The following DAB2IP variants were observed in gnomAD, a reference collection of about 807,000 sequenced individuals.
DAB2IP encodes DAB2 interacting protein, also known as disabled homolog 2-interacting protein.
DAB2IP carries 28 observed loss-of-function variants against 107.2 expected under a neutral mutation model. That is an observed-to-expected ratio of 0.26 (90% CI 0.19 to 0.36). DAB2IP has a LOEUF of 0.36. Among genes scored for constraint, DAB2IP ranks in the 10% least tolerant of loss-of-function variants. The pLI, the probability that DAB2IP is intolerant of heterozygous loss-of-function variation, is 1.00. For synonymous variants in DAB2IP, 755 were observed against 706.4 expected, an observed-to-expected ratio of 1.07 and a Z score of -1.09; for missense variants, 1,400 against 1,644.7, an observed-to-expected ratio of 0.85 and a Z score of 2.57.
At position 121,599,463 on chromosome 9, in the gene DAB2IP, GGCGGA is replaced by G. The variant is rs1418134844; in HGVS notation, c.40+32238_40+32242del. Among the ~76,000 whole-genome samples the G allele has an allele frequency of 2.0e-5, 3 of 152,048 alleles. No individual in the cohort carries two copies. The highest frequency in any genetic ancestry group is 4.4e-5 in the Non-Finnish European group (3 of 67,986). ...CCCGCGCTGGGTCCCGGGCCTGGCG[GGCGGA>G]GCTGTGGGCGGCTGGGCCTGCGATT... On this transcript the variant is annotated intron_variant, in intron 1 of 16. Coordinates refer to the DAB2IP transcript ENST00000259371. This position sits in a 1 kb window ranked among gnomAD's most constrained non-coding sequence, Gnocchi z 6.9.
chr9:121,612,768 G>T (rs935838503), intron 1 of DAB2IP, among the ~76,000 whole-genome samples: 7 of 152,182 alleles, frequency 4.6e-5, no homozygotes, highest in African/African-American at 1.4e-4. Context: ...GTGTTGGTGG[G>T]GGGAGGTAAG....
intron 3 of DAB2IP, among the ~76,000 whole-genome samples, chr9:121,721,403 AGTCCCTG>A (rs1170349723): frequency 2.0e-5 from 3 of 152,326 alleles, no homozygotes; most frequent in Non-Finnish European, 4.4e-5. Context: ...ACAATAAGCA[AGTCCCTG>A]CTGTGTGCCA....
rs748936874 is a variant in DAB2IP at position 121,776,305 on chromosome 9, G to C, written c.3228G>C (p.Glu1076Asp). Residue 1076 changes from glutamate (E) to aspartate (D), a missense_variant, in exon 14 of 16, where the codon GAG becomes GAC. By Grantham distance (45) the Glu-to-Asp change is conservative. Transcript: ENST00000408936. The surrounding 1 kb of genome is among the most constrained non-coding windows in gnomAD (Gnocchi z 5.4). ...AGACGACGCAGAAGCTGGTGCTGGA[G>C]TACCAGGCACGGCTGGAGGAGGGCG... 6.4e-7 allele frequency: 1 copy of C among 1,572,004 alleles called. No homozygotes were observed. The highest frequency in any genetic ancestry group is 2.3e-5 in the East Asian group (1 of 42,990).
intron 1 of DAB2IP, among the ~76,000 whole-genome samples, chr9:121,665,304 C>T (rs966305190): frequency 1.3e-5 from 2 of 151,996 alleles, no homozygotes; most frequent in Non-Finnish European, 2.9e-5. Flanking sequence ...GGCCAGGAGT[C>T]GGAGACCACC....
At position 121,599,723 on chromosome 9, in the gene DAB2IP, G is replaced by A. The variant is rs1830627723; in HGVS notation, c.40+32495G>A. The stretch of plus-strand genomic sequence containing the variant: ...GGCCCTGGGCCGCTCAGGCTCCGGA[G>A]CCTTTGGGATGGCAGCGCCCAGCGG... On this transcript the variant is annotated intron_variant, in intron 1 of 16. Transcript: ENST00000259371. This position sits in a 1 kb window ranked among gnomAD's most constrained non-coding sequence, Gnocchi z 6.9. Among the ~76,000 whole-genome samples the A allele has an allele frequency of 1.3e-5, 2 of 152,180 alleles. No homozygotes were observed. Among genetic ancestry groups the A allele is most frequent in the Admixed American group, 1.3e-4 (2 of 15,308 alleles).
chr9:121,589,060 G>C (rs1830369686), intron 1 of DAB2IP, among the ~76,000 whole-genome samples: 2 of 151,526 alleles, frequency 1.3e-5, no homozygotes, highest in African/African-American at 4.9e-5. Flanking sequence ...TCCCTTCCCT[G>C]CCTCCTACTC....
chr9:121,719,756 G>A (rs1049188262), intron 3 of DAB2IP, among the ~76,000 whole-genome samples: 12 of 152,224 alleles, frequency 7.9e-5, no homozygotes, highest in Non-Finnish European at 4.4e-5. Flanking sequence ...GAAACCAGAT[G>A]CAGAGAGGTT....
intron 1 of DAB2IP, among the ~76,000 whole-genome samples, chr9:121,607,246 G>C (rs978152244): frequency 6.6e-6 from 1 of 152,180 alleles, no homozygotes; most frequent in Non-Finnish European, 1.5e-5. Flanking sequence ...ACTGGAGGGA[G>C]AGGAGAGAGA....
At chr9:121,616,199 G>A (rs1831270343) in intron 1 of DAB2IP, among the ~76,000 whole-genome samples, 1 of 152,220 alleles carries the variant, frequency 6.6e-6, no homozygotes, top group Non-Finnish European at 1.5e-5. Flanking sequence ...GGATGCAGGC[G>A]AGGGAGGGGC....
At chr9:121,725,469 T>G (rs887702014) in intron 3 of DAB2IP, among the ~76,000 whole-genome samples, 5 of 152,184 alleles carry the variant, frequency 3.3e-5, no homozygotes, top group African/African-American at 1.2e-4. Context: ...GGGTACCCAG[T>G]GCAGCAAATT....
chr9:121,781,474 G>A (rs200849707), exon 15 of DAB2IP: 210 of 1,613,908 alleles, frequency 1.3e-4, no homozygotes, highest in Non-Finnish European at 1.6e-4. Context: ...GTTGATGTCC[G>A]TGGAGGAAGA....
chr9:121,717,337 C>A (rs1410695834), intron 3 of DAB2IP, among the ~76,000 whole-genome samples: 1 of 152,196 alleles, frequency 6.6e-6, no homozygotes, highest in Non-Finnish European at 1.5e-5. Flanking sequence ...CCCTTTTTAT[C>A]CAGCTAGCTA....
intron 3 of DAB2IP, among the ~76,000 whole-genome samples, chr9:121,724,850 G>T (rs1189582668): frequency 6.6e-6 from 1 of 152,128 alleles, no homozygotes; most frequent in Non-Finnish European, 1.5e-5. Flanking sequence ...GGATGGACAG[G>T]AATGGGAGGG....
chr9:121,603,150 C>A (rs1830745620), intron 1 of DAB2IP, among the ~76,000 whole-genome samples: 1 of 152,200 alleles, frequency 6.6e-6, no homozygotes, highest in Non-Finnish European at 1.5e-5. Flanking sequence ...CTGCATCTCG[C>A]GGGGAGAGGA....
Position 121,776,383 on chromosome 9 carries a change from C to T in DAB2IP, c.3306C>T (p.Ile1102=). 1 of 1,540,666 alleles carries T rather than the reference C, an allele frequency of 6.5e-7. No individual in the cohort carries two copies. Among genetic ancestry groups the T allele is most frequent in the Non-Finnish European group, 8.8e-7 (1 of 1,141,820 alleles). Reference sequence around the variant, plus strand: ...ACAAGGACATCCAGATGAAGGGCATCATCAGCAGGTGGGGCCCACACCTGC... The same window carrying T: ...ACAAGGACATCCAGATGAAGGGCATTATCAGCAGGTGGGGCCCACACCTGC... The change falls in exon 14 of 16, where the codon ATC becomes ATT. Residue 1102 remains isoleucine (I), a synonymous_variant. Transcript: ENST00000408936. The surrounding 1 kb of genome is among the most constrained non-coding windows in gnomAD (Gnocchi z 5.4).
chr9:121,589,802 A>T (rs749953670), intron 1 of DAB2IP, among the ~76,000 whole-genome samples: 5 of 152,038 alleles, frequency 3.3e-5, no homozygotes, highest in Non-Finnish European at 7.4e-5. Context: ...AGGGTCATAA[A>T]AGCTTGGCAT....
rs1832060487 is a variant in DAB2IP at position 121,635,638 on chromosome 9, A to G, written c.41-43040A>G. ...AACCACAGGAAGGAGGGGCGCTGAG[A>G]TGGGAGCGAGGCCTTGGACAAGAAA... On this transcript the variant is annotated intron_variant, in intron 1 of 16. Coordinates refer to the DAB2IP transcript ENST00000259371. The surrounding 1 kb of genome is among the most constrained non-coding windows in gnomAD (Gnocchi z 4.3). Among the ~76,000 whole-genome samples, 1 of 152,224 alleles carries G rather than the reference A, an allele frequency of 6.6e-6. No individual in the cohort carries two copies. The highest frequency in any genetic ancestry group is 1.5e-5 in the Non-Finnish European group (1 of 68,040).
intron 3 of DAB2IP, among the ~76,000 whole-genome samples, chr9:121,733,858 C>T (rs560100539): frequency 2.0e-5 from 3 of 152,146 alleles, no homozygotes; most frequent in Non-Finnish European, 4.4e-5. Flanking sequence ...AAAAAGGAGG[C>T]GGGCTTTGTG....
At chr9:121,669,097 G>T (rs553285627) in intron 1 of DAB2IP, among the ~76,000 whole-genome samples, 23 of 151,934 alleles carry the variant, frequency 1.5e-4, no homozygotes, top group Non-Finnish European at 3.1e-4. Context: ...TGTATTTTTA[G>T]TAGAGACAGG....
Sources: allele counts gnomAD v4.1 joint callset (sites outside exome capture counted in the v4.1 genomes callset), GRCh38; gene constraint gnomAD v4.1.1; non-coding constraint Gnocchi (gnomAD v3.1); transcripts MANE v1.5; gene names NCBI Gene and HGNC (gene_info 2026-07-23, HGNC 2026-07-21).